The following ARHGEF4 variants were observed in gnomAD, a reference collection of about 807,000 sequenced individuals.
ARHGEF4 encodes the protein Rho guanine nucleotide exchange factor 4.
A neutral mutation model predicts 162.0 loss-of-function variants in ARHGEF4; 119 were observed. The observed-to-expected ratio is 0.73, with a 90% CI of 0.63 to 0.86. The LOEUF is 0.86. ARHGEF4 is among the 40% of genes least tolerant of loss of function. ARHGEF4 has a pLI of 0.00. For missense variants in ARHGEF4, 2,488 were observed against 2,456.0 expected, an observed-to-expected ratio of 1.01 and a Z score of -0.28; for synonymous variants, 1,014 against 979.9, an observed-to-expected ratio of 1.03 and a Z score of -0.65.
At chr2:131,022,082 A>G (rs1489177978) in intron 4 of ARHGEF4, among the ~76,000 whole-genome samples, 2 of 152,144 alleles carry the variant, frequency 1.3e-5, no homozygotes, top group Non-Finnish European at 2.9e-5. Context: ...TTTTGCATCT[A>G]TATTCATAAG....
At chr2:130,945,317 C>A (rs1683540741) in intron 3 of ARHGEF4, among the ~76,000 whole-genome samples, 2 of 152,060 alleles carry the variant, frequency 1.3e-5, no homozygotes, top group Non-Finnish European at 2.9e-5. Context: ...GCCTCTGAAA[C>A]CAAGTGGCAG....
chr2:130,864,306 T>G (rs1188156673), intron 1 of ARHGEF4, among the ~76,000 whole-genome samples: 1 of 152,102 alleles, frequency 6.6e-6, no homozygotes, highest in Non-Finnish European at 1.5e-5. Flanking sequence ...CTATATTGCA[T>G]GATTCCATTT....
intron 1 of ARHGEF4, among the ~76,000 whole-genome samples, chr2:130,876,272 G>C (rs16856228): frequency 0.036 from 5,474 of 152,320 alleles, 187 homozygotes; most frequent in East Asian, 0.1. Context: ...ACAGGCAGTA[G>C]GAGCACCGCA....
intron 1 of ARHGEF4, among the ~76,000 whole-genome samples, chr2:130,911,571 G>A (rs145576313): frequency 0.014 from 2,098 of 152,308 alleles, 50 homozygotes; most frequent in African/African-American, 0.047. Context: ...TGTTGTTTTT[G>A]ATGTACTCAT....
rs1310732904 is a variant in ARHGEF4, at chr2:130,917,370, C to T, written c.3424C>T (p.Gln1142Ter). 1 of 1,550,610 alleles carries T rather than the reference C, an allele frequency of 6.4e-7. No individual in the cohort carries two copies. Among genetic ancestry groups the T allele is most frequent in the Admixed American group, 2.0e-5 (1 of 50,996 alleles). The stretch of plus-strand genomic sequence containing the variant: ...TGAAAGACCCAAGATTCCCAAGGGC[C>T]AGACCAGTTTCCTGCTTTCTCTGCA... ...DPERPKIPKG[Q>*]TSFLLSLQTL... is the part of the protein sequence containing the mutation. Residue 1142 changes from glutamine (Q) to a stop codon, truncating the protein, a stop_gained, in exon 2 of 14, where the codon CAG becomes TAG. Transcript: ENST00000409359. LOFTEE classifies it high-confidence loss of function.
intron 1 of ARHGEF4, among the ~76,000 whole-genome samples, chr2:130,873,116 C>T (rs143279098): frequency 3.0e-4 from 45 of 152,286 alleles, no homozygotes; most frequent in South Asian, 2.1e-3. Context: ...CCAAAGTGCC[C>T]GGATTCAAAC....
rs552076232 is a variant in ARHGEF4, at chr2:130,914,397, A to G, written c.451A>G (p.Thr151Ala). ...SCKNGWRAFA[T>A]VAGEQEAGHL... ...CAAAAATGGGTGGCGAGCCTTTGCC[A>G]CAGTTGCTGGAGAACAGGAGGCAGG... is the stretch of plus-strand genomic sequence containing the variant. The change falls in exon 2 of 14, where the codon ACA (threonine) becomes GCA (alanine). Residue 151 changes from threonine to alanine, a missense_variant. Transcript: ENST00000409359. The G allele has an allele frequency of 2.1e-6, 3 of 1,443,842 alleles. No individual in the cohort carries two copies. The highest frequency in any genetic ancestry group is 2.9e-5 in the African/African-American group (2 of 70,012). 89.4% of individuals were successfully genotyped at this position (1,443,842 alleles called of 1,614,324 possible).
Position 130,916,419 on chromosome 2 carries a change from G to C in ARHGEF4, c.2473G>C (p.Gly825Arg). Reference protein sequence around the residue: ...PAPTTEGRRWGSSGPEGLPRE... With the variant: ...PAPTTEGRRWRSSGPEGLPRE... Reference sequence around the variant, plus strand: ...CCCGACCACCGAGGGTCGCCGCTGGGGCTCTTCAGGCCCCGAGGGGCTCCC... The same window carrying C: ...CCCGACCACCGAGGGTCGCCGCTGGCGCTCTTCAGGCCCCGAGGGGCTCCC... Residue 825 changes from glycine to arginine, a missense_variant, in exon 2 of 14, where the codon GGC becomes CGC. By Grantham distance (125) the Gly-to-Arg change is moderately radical. This residue lies in a region of ARHGEF4 where 1,642 missense variants were observed against 1,481.5 expected (regional missense o/e 1.11). Coordinates refer to ENST00000409359, the MANE Select transcript of ARHGEF4 (RefSeq NM_001367493.1). 1.3e-6 allele frequency: 2 copies of C among 1,534,156 alleles called. No individual in the cohort carries two copies. The highest frequency in any genetic ancestry group is 1.7e-6 in the Non-Finnish European group (2 of 1,143,242).
intron 2 of ARHGEF4, among the ~76,000 whole-genome samples, chr2:130,929,177 T>C (rs1224470083): frequency 1.3e-5 from 2 of 152,186 alleles, no homozygotes; most frequent in East Asian, 1.9e-4. Context: ...ATCCACAAGG[T>C]ACTTGGGGAG....
At chr2:130,908,687 T>C (rs967798879) in intron 1 of ARHGEF4, among the ~76,000 whole-genome samples, 50 of 151,134 alleles carry the variant, frequency 3.3e-4, no homozygotes, top group African/African-American at 1.2e-3. Context: ...AAAATAGTAA[T>C]AATAAAATTT....
intron 1 of ARHGEF4, among the ~76,000 whole-genome samples, chr2:130,913,066 G>T (rs891711223): frequency 3.9e-5 from 6 of 152,144 alleles, no homozygotes; most frequent in Non-Finnish European, 5.9e-5. Flanking sequence ...TCGGTACTGG[G>T]GGGGAGTGGT....
At chr2:130,839,981 G>T (rs2104848070) in intron 1 of ARHGEF4, among the ~76,000 whole-genome samples, 1 of 152,288 alleles carries the variant, frequency 6.6e-6, no homozygotes, top group East Asian at 1.9e-4. Context: ...CAAGGTCTTT[G>T]TTGGCTAAAC....
chr2:131,041,990 C>A lies in ARHGEF4; in HGVS notation c.5025+46C>A, dbSNP rs2241461. On this transcript the variant is annotated intron_variant, in intron 10 of 13. Transcript: ENST00000409359. ...AAAATTCCAGGAGGTCTTGGCCCCTCGCTTTAAAATCATGCTTGCCCCTGA... is the reference window on the plus strand; with the variant it reads ...AAAATTCCAGGAGGTCTTGGCCCCTAGCTTTAAAATCATGCTTGCCCCTGA... The A allele has an allele frequency of 4.4e-6, 7 of 1,588,362 alleles. No homozygotes were observed. The African/African-American group carries it at 9.5e-5, about 22-fold the overall frequency.
intron 4 of ARHGEF4, among the ~76,000 whole-genome samples, chr2:130,997,654 G>A (rs1413705991): frequency 6.6e-6 from 1 of 152,178 alleles, no homozygotes; most frequent in African/African-American, 2.4e-5. Flanking sequence ...TCCTAATTCT[G>A]CAAGGTTGAA....
chr2:130,989,468 T>A (rs760292760), intron 4 of ARHGEF4, among the ~76,000 whole-genome samples: 2 of 152,166 alleles, frequency 1.3e-5, no homozygotes, highest in African/African-American at 4.8e-5. Context: ...ATATACAATA[T>A]CATAAATAAC....
In ARHGEF4 at chr2:131,006,670, TTTTGGGGTTCTGTGCCC is replaced by T. The variant is rs138524863; in HGVS notation, c.3986-21273_3986-21257del. On this transcript the variant is annotated intron_variant, in intron 4 of 13. Coordinates refer to ENST00000409359, the MANE Select transcript of ARHGEF4 (RefSeq NM_001367493.1). The stretch of plus-strand genomic sequence containing the variant: ...GCACTTACCTAGGCATCTTTTATGC[TTTTGGGGTTCTGTGCCC>T]TATCCCTCTGGTCTTGCCTGGACTG... Among the ~76,000 whole-genome samples, 440 of 152,368 alleles carry T rather than the reference TTTTGGGGTTCTGTGCCC, an allele frequency of 2.9e-3. 2 individuals are homozygous for T. Among genetic ancestry groups the T allele is most frequent in the African/African-American group, 9.2e-3 (383 of 41,578 alleles).
At chr2:130,848,752 C>T (rs1333396194) in intron 1 of ARHGEF4, among the ~76,000 whole-genome samples, 1 of 152,146 alleles carries the variant, frequency 6.6e-6, no homozygotes, top group East Asian at 1.9e-4. Context: ...TGCAGGGAGA[C>T]CAGGCCCCGA....
At chr2:130,933,965 T>G (rs182132977) in intron 3 of ARHGEF4, among the ~76,000 whole-genome samples, 20 of 151,474 alleles carry the variant, frequency 1.3e-4, no homozygotes, top group Non-Finnish European at 2.8e-4. Flanking sequence ...ATAACAATGT[T>G]GAGCAGAAGT....
At chr2:130,867,641 C>T (rs867292880) in intron 1 of ARHGEF4, among the ~76,000 whole-genome samples, 3 of 152,312 alleles carry the variant, frequency 2.0e-5, no homozygotes, top group Middle Eastern at 3.4e-3. Flanking sequence ...AATCAACAGG[C>T]AATTTCTCCC....
Sources: allele counts gnomAD v4.1 joint callset (sites outside exome capture counted in the v4.1 genomes callset), GRCh38; gene constraint gnomAD v4.1.1; regional missense constraint gnomAD v4.1.1; transcripts MANE v1.5; gene names NCBI Gene and HGNC (gene_info 2026-07-23, HGNC 2026-07-21).